The following NPAS3 variants were observed in gnomAD, a reference collection of about 807,000 sequenced individuals.
The protein encoded by NPAS3 is neuronal PAS domain-containing protein 3.
In NPAS3, 14 loss-of-function variants were observed where a neutral mutation model predicts 73.1. The ratio of observed to expected loss-of-function variants is 0.19; its 90% CI spans 0.13 to 0.30. The LOEUF is 0.30. Ranked by LOEUF, NPAS3 falls within the 10% of genes least tolerant of loss-of-function variation. NPAS3 has a pLI of 1.00. For synonymous variants in NPAS3, 620 were observed against 541.5 expected, an observed-to-expected ratio of 1.14 and a Z score of -2.01; for missense variants, 1,096 against 1,250.0, an observed-to-expected ratio of 0.88 and a Z score of 1.86.
At chr14:32,996,741 T>G (rs536841489) in intron 1 of NPAS3, among the ~76,000 whole-genome samples, 2 of 152,300 alleles carry the variant, frequency 1.3e-5, no homozygotes, top group East Asian at 3.9e-4. Context: ...TATATGGAAA[T>G]GCCTTGAAGT....
intron 11 of NPAS3, among the ~76,000 whole-genome samples, 187 bp downstream of exon 11, chr14:33,797,768 C>G: frequency 6.6e-6 from 1 of 151,824 alleles, no homozygotes; most frequent in African/African-American, 2.4e-5. Flanking sequence ...TTGTACACCA[C>G]TACATACCTG....
At chr14:33,762,626 C>A (rs978848642) in intron 7 of NPAS3, among the ~76,000 whole-genome samples, 1 of 152,002 alleles carries the variant, frequency 6.6e-6, no homozygotes, top group Non-Finnish European at 1.5e-5. Context: ...CGAATAGCAG[C>A]GGGAATCAGT....
chr14:33,742,116 A>G (rs148258068), intron 7 of NPAS3, among the ~76,000 whole-genome samples: 2 of 152,324 alleles, frequency 1.3e-5, no homozygotes, highest in Non-Finnish European at 2.9e-5. Context: ...TTGGCCTATT[A>G]CAATGAGTTG....
intron 3 of NPAS3, among the ~76,000 whole-genome samples, chr14:33,351,308 A>T (rs1441355527): frequency 1.3e-5 from 2 of 152,170 alleles, no homozygotes; most frequent in African/African-American, 4.8e-5. Context: ...GACGACAAAC[A>T]TGACATGACC....
chr14:33,132,151 G>A (rs1464845384), intron 2 of NPAS3, among the ~76,000 whole-genome samples: 1 of 152,122 alleles, frequency 6.6e-6, no homozygotes, highest in Non-Finnish European at 1.5e-5. Flanking sequence ...TTACCTTGGT[G>A]GTCCAGGTAA....
At chr14:33,511,894 G>T (rs1157341425) in intron 4 of NPAS3, among the ~76,000 whole-genome samples, 1 of 152,002 alleles carries the variant, frequency 6.6e-6, no homozygotes, top group African/African-American at 2.4e-5. Context: ...CACCTTGGAG[G>T]CCTTGTTTAA....
intron 6 of NPAS3, among the ~76,000 whole-genome samples, chr14:33,722,341 C>T (rs10146547): frequency 0.28 from 41,982 of 152,028 alleles, 6,385 homozygotes; most frequent in Admixed American, 0.42. Flanking sequence ...ATATCCTTTA[C>T]CTTTTTTAAC....
At chr14:33,040,058 T>C (rs1192534459) in intron 1 of NPAS3, among the ~76,000 whole-genome samples, 1 of 152,220 alleles carries the variant, frequency 6.6e-6, no homozygotes, top group Non-Finnish European at 1.5e-5. Context: ...ATTTTCTTTT[T>C]TTCTTTTTTT....
chr14:33,594,594 C>T (rs1430921583), intron 5 of NPAS3, among the ~76,000 whole-genome samples: 1 of 152,174 alleles, frequency 6.6e-6, no homozygotes, highest in Non-Finnish European at 1.5e-5. Context: ...GACCCCAGTT[C>T]CAGACCTCTG....
chr14:33,032,011 G>A (rs527549402), intron 1 of NPAS3, among the ~76,000 whole-genome samples: 3 of 152,348 alleles, frequency 2.0e-5, no homozygotes, highest in East Asian at 3.9e-4. Context: ...TGGAAGGAAA[G>A]CCCATGTGAA....
intron 10 of NPAS3, among the ~76,000 whole-genome samples, chr14:33,796,959 A>C (rs1052272821): frequency 4.6e-5 from 7 of 151,572 alleles, no homozygotes; most frequent in African/African-American, 1.7e-4. Flanking sequence ...GCACCTGTGC[A>C]TCTGTCAGAT....
intron 3 of NPAS3, among the ~76,000 whole-genome samples, chr14:33,292,412 C>T (rs1443433728): frequency 2.6e-5 from 4 of 152,086 alleles, no homozygotes; most frequent in Admixed American, 6.6e-5. Flanking sequence ...CTTCAGTTGG[C>T]AGGTCTTCCT....
intron 6 of NPAS3, among the ~76,000 whole-genome samples, chr14:33,701,428 C>T (rs1160268884): frequency 6.6e-6 from 1 of 152,136 alleles, no homozygotes; most frequent in Non-Finnish European, 1.5e-5. Context: ...TGCAAAACTG[C>T]GTATGGATGT....
intron 6 of NPAS3, among the ~76,000 whole-genome samples, chr14:33,696,229 A>G (rs1259236654): frequency 6.6e-6 from 1 of 152,140 alleles, no homozygotes; most frequent in African/African-American, 2.4e-5. Flanking sequence ...ACCACTTACT[A>G]TGTGCTAAGT....
chr14:33,783,730 CTG>C lies in NPAS3; in HGVS notation c.1153+5161_1153+5162del, dbSNP rs2063055349. Among the ~76,000 whole-genome samples the C allele has an allele frequency of 2.0e-5, 3 of 152,104 alleles. No individual in the cohort carries two copies. The South Asian group carries it at 6.2e-4, about 32-fold the overall frequency. On this transcript the variant is annotated intron_variant, in intron 9 of 11. Transcript: ENST00000356141. ...GCGCATCCCTGCTGCGCTTACTACA[CTG>C]TGCATCAGTGGGGCAGTGGTGTCAG...
chr14:33,032,219 A>G (rs1382686816), intron 1 of NPAS3, among the ~76,000 whole-genome samples: 2 of 152,310 alleles, frequency 1.3e-5, no homozygotes, highest in Non-Finnish European at 2.9e-5. Flanking sequence ...TGAACATTTG[A>G]CTTAGTTCTG....
In NPAS3 at chr14:33,573,251, A is replaced by G. The variant is rs529684722; in HGVS notation, c.558+13041A>G. Among the ~76,000 whole-genome samples the G allele has an allele frequency of 1.8e-4, 27 of 152,290 alleles. No individual in the cohort carries two copies. The South Asian group carries it at 4.6e-3, about 26-fold the overall frequency. ...TAACCATGCATGCCAGCATTCAGCT[A>G]GTATTTGCTGAATGACCTACGTGTG... On this transcript the variant is annotated intron_variant, in intron 5 of 11. Transcript: ENST00000356141.
chr14:33,123,751 A>G (rs1243616871), intron 2 of NPAS3, among the ~76,000 whole-genome samples: 2 of 152,000 alleles, frequency 1.3e-5, no homozygotes, highest in African/African-American at 4.8e-5. Flanking sequence ...ACAGGTAAGT[A>G]TATTCAGCTG....
At chr14:33,403,117 G>C (rs935294509) in intron 4 of NPAS3, among the ~76,000 whole-genome samples, 1 of 152,086 alleles carries the variant, frequency 6.6e-6, no homozygotes, top group Middle Eastern at 3.4e-3. Context: ...TTCAATACCA[G>C]TTTTCATTTT....
Sources: gnomAD v4.1 joint callset for allele counts (sites outside exome capture counted in the v4.1 genomes callset) on GRCh38, gnomAD v4.1.1 for gene constraint, MANE v1.5 for transcripts, NCBI Gene and HGNC (gene_info 2026-07-23, HGNC 2026-07-21) for gene names.